The following CBX3 variants were observed in gnomAD, a reference collection of about 807,000 sequenced individuals.
CBX3 encodes the protein chromobox 3.
CBX3 carries 5 observed loss-of-function variants against 22.6 expected under a neutral mutation model. The ratio of observed to expected loss-of-function variants is 0.22; its 90% CI spans 0.12 to 0.47. CBX3 has a LOEUF of 0.47. CBX3 is among the 20% of genes least tolerant of loss of function. The probability of loss-of-function intolerance (pLI) is 0.99; values close to 1 mark genes in which losing one functional copy is unlikely to be tolerated. For synonymous variants in CBX3, 50 were observed against 66.6 expected (o/e 0.75, Z 1.21); for missense variants, 83 against 208.1 (o/e 0.40, Z 3.70).
chr7:26,204,961 G>C (rs1369331096), intron 2 of CBX3, among the ~76,000 whole-genome samples: 1 of 151,908 alleles, frequency 6.6e-6, no homozygotes, highest in Non-Finnish European at 1.5e-5. Context: ...GGCTAATTTT[G>C]TATTTTTAGT....
chr7:26,202,862 G>C (rs1042197147), intron 1 of CBX3, 109 bp from the exon 2 acceptor site: 1 of 703,160 alleles, frequency 1.4e-6, no homozygotes, highest in African/African-American at 1.8e-5. Context: ...TTGTATTCAC[G>C]TTTGAAATGT....
intron 1 of CBX3, 25 bp from the exon 2 acceptor site, chr7:26,202,945 AC>A (rs1784583683): frequency 1.4e-6 from 2 of 1,477,286 alleles, no homozygotes; most frequent in African/African-American, 1.4e-5. Context: ...ATGCAAACTT[AC>A]CTTAACTGTC....
intron 2 of CBX3, among the ~76,000 whole-genome samples, chr7:26,205,079 G>GC (rs920543752): frequency 2.0e-5 from 3 of 152,286 alleles, no homozygotes; most frequent in East Asian, 1.9e-4. Flanking sequence ...ATGAGCCACT[G>GC]CCCCCGGCAA....
rs1296319120 is a variant in CBX3, at chr7:26,213,426, A to T, written c.*1218A>T. ...TAGAAATGCCCACACTCATTGGATT[A>T]TCTTTGTTTATAAGTTAGATGATAC... is the stretch of plus-strand genomic sequence containing the variant. On this transcript the variant is annotated 3_prime_UTR_variant, in exon 6 of 6. Coordinates refer to ENST00000396386, the MANE Select transcript of CBX3 (RefSeq NM_016587.4). 1 of 152,320 alleles carries T rather than the reference A, an allele frequency of 6.6e-6. No homozygotes were observed. The highest frequency in any genetic ancestry group is 1.5e-5 in the Non-Finnish European group (1 of 68,044). The allele number at this position is 152,320 out of a possible 1,614,324, so 9.4% of individuals were successfully genotyped here. A position where few individuals can be genotyped will look rare whatever the true frequency, so the allele number is the denominator to read the frequency against.
intron 2 of CBX3, among the ~76,000 whole-genome samples, chr7:26,204,896 TCTC>T (rs1784639816): frequency 1.3e-5 from 2 of 152,286 alleles, no homozygotes; most frequent in South Asian, 4.1e-4. Context: ...TTCAAGCAGT[TCTC>T]CTGCCTCAGC....
chr7:26,208,917 CTTTTTTTTTTTTT>C (rs59657982), intron 4 of CBX3, among the ~76,000 whole-genome samples: 73 of 27,934 alleles, frequency 2.6e-3, no homozygotes, highest in South Asian at 7.4e-3. Flanking sequence ...CACGCCTGGC[CTTTTTTTTTTTTT>C]TTTTTTTTTT....
chr7:26,211,899 C>G, intron 5 of CBX3, 143 bp downstream of exon 5: 2 of 840,992 alleles, frequency 2.4e-6, no homozygotes, highest in Non-Finnish European at 3.6e-6. Context: ...TGTTTTAAAG[C>G]AAGGGTCAGC....
chr7:26,205,077 C>G (rs973341683), intron 2 of CBX3, among the ~76,000 whole-genome samples: 2 of 152,258 alleles, frequency 1.3e-5, no homozygotes, highest in African/African-American at 4.8e-5. Context: ...GCATGAGCCA[C>G]TGCCCCCGGC....
At chr7:26,205,511 G>GTTT (rs1784656208) in intron 2 of CBX3, among the ~76,000 whole-genome samples, 2 of 152,160 alleles carry the variant, frequency 1.3e-5, no homozygotes, top group Non-Finnish European at 2.9e-5. Flanking sequence ...GAACCTCCTA[G>GTTT]TGGTCTCTAT....
chr7:26,201,672 TCGTGGCCGCCCGG>T (rs978042500), upstream of CBX3: 2 of 135,490 alleles, frequency 1.5e-5, no homozygotes, highest in Non-Finnish European at 3.1e-5. Flanking sequence ...GCCCCGCCCT[TCGTGGCCGCCCGG>T]CGTGGGCGGT....
At chr7:26,207,807 C>T (rs1252198707) in intron 3 of CBX3, among the ~76,000 whole-genome samples, 6 of 152,082 alleles carry the variant, frequency 3.9e-5, no homozygotes, top group South Asian at 4.2e-4. Flanking sequence ...TGTGAGCCAC[C>T]GTGCCAGGCC....
At chr7:26,204,412 T>C (rs1031676277) in intron 2 of CBX3, among the ~76,000 whole-genome samples, 5 of 152,220 alleles carry the variant, frequency 3.3e-5, no homozygotes. Context: ...ATTCCTACCT[T>C]CTTGTACTGT....
intron 2 of CBX3, 154 bp from the exon 3 acceptor site, chr7:26,206,214 C>T (rs761002079): frequency 5.3e-6 from 3 of 567,106 alleles, no homozygotes; most frequent in Non-Finnish European, 9.2e-6. Flanking sequence ...ATTTTATTGT[C>T]TGTTGACTTT....
intron 3 of CBX3, chr7:26,208,162 C>G (rs2128137853): frequency 3.2e-6 from 1 of 317,208 alleles, no homozygotes; most frequent in Admixed American, 4.3e-5. Context: ...TTGGAATCTT[C>G]AGTGAGCTAT....
At chr7:26,211,970 T>C (rs187435406) in intron 5 of CBX3, 112 bp from the exon 6 acceptor site, 3 of 1,007,466 alleles carry the variant, frequency 3.0e-6, no homozygotes, top group South Asian at 4.1e-5. Flanking sequence ...AACATAACTC[T>C]CCTGGAGCAC....
At chr7:26,206,092 C>T in intron 2 of CBX3, 1 of 297,430 alleles carries the variant, frequency 3.4e-6, no homozygotes, top group Non-Finnish European at 6.3e-6. Context: ...GACCCTGTCT[C>T]AAAAAAAAAG....
At chr7:26,208,354 A>T (rs1784727647) in intron 3 of CBX3, 39 bp from the exon 4 acceptor site, 2 of 1,479,442 alleles carry the variant, frequency 1.4e-6, no homozygotes, top group Non-Finnish European at 1.8e-6. Context: ...ATCATATTTA[A>T]TTCAATCACC....
upstream of CBX3, chr7:26,201,618 G>C (rs1360905106): frequency 6.7e-6 from 1 of 148,356 alleles, no homozygotes; most frequent in Admixed American, 6.7e-5. Flanking sequence ...AATTCCCAGC[G>C]GGCGCGGCGC....
chr7:26,206,633 G>A, intron 3 of CBX3, 123 bp downstream of exon 3: 1 of 876,608 alleles, frequency 1.1e-6, no homozygotes, highest in Non-Finnish European at 1.8e-6. Context: ...AAGACACTTT[G>A]AATTTTAGGT....
Sources: allele counts gnomAD v4.1 joint callset (sites outside exome capture counted in the v4.1 genomes callset), GRCh38; gene constraint gnomAD v4.1.1; transcripts MANE v1.5; gene names NCBI Gene and HGNC (gene_info 2026-07-23, HGNC 2026-07-21).